The following DYSF variants were observed in gnomAD, a reference collection of about 807,000 sequenced individuals.
DYSF encodes dystrophy-associated fer-1-like 1.
Under a neutral mutation model 274.9 loss-of-function variants are expected in DYSF, and 212 were observed. The ratio of observed to expected loss-of-function variants is 0.77; its 90% CI spans 0.69 to 0.86. The LOEUF (loss-of-function observed/expected upper bound fraction) is 0.86, where lower values mean the gene tolerates loss of function less well. Ranked by LOEUF, DYSF falls within the 40% of genes least tolerant of loss-of-function variation. DYSF has a pLI of 0.00. For missense variants in DYSF, 2,666 were observed against 2,783.2 expected (o/e 0.96, Z 0.95); for synonymous variants, 1,091 against 1,078.7 (o/e 1.01, Z -0.22).
intron 40 of DYSF, 33 bp from the exon 41 acceptor site, chr2:71,620,514 A>G (rs930363938): frequency 1.3e-6 from 2 of 1,551,520 alleles, no homozygotes; most frequent in Non-Finnish European, 1.7e-6. Flanking sequence ...GGGTTCTCTA[A>G]TCCTGTTGCT....
chr2:71,540,936 A>C (rs1474346504), intron 17 of DYSF, among the ~76,000 whole-genome samples: 1 of 152,202 alleles, frequency 6.6e-6, no homozygotes, highest in Non-Finnish European at 1.5e-5. Context: ...GGAATAAGGC[A>C]GGGATCTAGC....
intron 1 of DYSF, among the ~76,000 whole-genome samples, chr2:71,479,615 G>C (rs963932692): frequency 1.6e-4 from 24 of 152,188 alleles, no homozygotes; most frequent in African/African-American, 5.8e-4. Flanking sequence ...GGGTCTCCTT[G>C]TGCGTCTCCT....
At chr2:71,504,629 G>A (rs1330765558) in intron 4 of DYSF, among the ~76,000 whole-genome samples, 1 of 152,186 alleles carries the variant, frequency 6.6e-6, no homozygotes, top group Non-Finnish European at 1.5e-5. Context: ...AGGTATCAAG[G>A]CAGCTGGCGA....
chr2:71,470,296 TAACTC>T (rs146449429), intron 1 of DYSF, among the ~76,000 whole-genome samples: 300 of 152,302 alleles, frequency 2.0e-3, no homozygotes, highest in Non-Finnish European at 3.3e-3. Flanking sequence ...GGAACACTCT[TAACTC>T]ACCTATGTAG....
chr2:71,652,422 T>A (rs571061134), intron 42 of DYSF, among the ~76,000 whole-genome samples: 6 of 152,276 alleles, frequency 3.9e-5, no homozygotes, highest in African/African-American at 1.4e-4. Flanking sequence ...CCCAGTAAGA[T>A]GGCAGCAACT....
chr2:71,683,663 T>C (rs889574631), intron 55 of DYSF, among the ~76,000 whole-genome samples: 2 of 152,242 alleles, frequency 1.3e-5, no homozygotes, highest in Admixed American at 1.3e-4. Flanking sequence ...CAGTATTCCA[T>C]GCACACTCCC....
At chr2:71,576,332 T>A (rs2092697574) in intron 30 of DYSF, 1 of 152,408 alleles carries the variant, frequency 6.6e-6, no homozygotes, top group Non-Finnish European at 1.5e-5. Flanking sequence ...AGAAGAGTGC[T>A]CTGGTCAGAG....
At position 71,513,843 on chromosome 2, in the gene DYSF, C is replaced by T; in HGVS notation, c.681C>T (p.Pro227=). 6.2e-7 allele frequency: 1 copy of T among 1,614,236 alleles called. No individual in the cohort carries two copies. The highest frequency in any genetic ancestry group is 1.1e-5 in the South Asian group (1 of 91,092). ...TPRKLPSRPP[P]HYPGIKRKRS... Reference sequence around the variant, plus strand: ...GGAAACTACCTTCACGTCCTCCGCCCCACTACCCCGGGATCAAAAGAAAGC... The same window carrying T: ...GGAAACTACCTTCACGTCCTCCGCCTCACTACCCCGGGATCAAAAGAAAGC... The change falls in exon 7 of 56, where the codon CCC becomes CCT. Residue 227 remains proline (P), a synonymous_variant. Transcript: ENST00000410020.
chr2:71,480,750 A>T (rs1573397809), intron 1 of DYSF, 133 bp from the exon 2 acceptor site: 1 of 793,226 alleles, frequency 1.3e-6, no homozygotes, highest in African/African-American at 1.7e-5. Flanking sequence ...GCGGGTTCTC[A>T]GGGAATCTGT....
At chr2:71,621,331 G>T (rs1255728433) in intron 41 of DYSF, among the ~76,000 whole-genome samples, 3 of 151,808 alleles carry the variant, frequency 2.0e-5, no homozygotes, top group Non-Finnish European at 4.4e-5. Context: ...TTGTACTGGG[G>T]GTCTCATGAG....
At chr2:71,496,327 G>T (rs558293325) in intron 3 of DYSF, among the ~76,000 whole-genome samples, 63 of 152,254 alleles carry the variant, frequency 4.1e-4, no homozygotes, top group African/African-American at 1.4e-3. Flanking sequence ...AGGCCACGCT[G>T]TGCAGGGCCA....
intron 32 of DYSF, among the ~76,000 whole-genome samples, chr2:71,597,178 G>A (rs1200426141): frequency 2.0e-5 from 3 of 152,184 alleles, no homozygotes; most frequent in Admixed American, 6.5e-5. Context: ...TGAGGCCAGC[G>A]ACACAGAGGC....
rs115849497 is a variant in DYSF, at chr2:71,553,148, G to A, written c.1944G>A (p.Pro648=). 2,676 of 1,614,074 alleles carry A rather than the reference G, an allele frequency of 1.7e-3. 29 individuals are homozygous for A. The African/African-American group carries it at 0.024, about 15-fold the overall frequency. ...ACAAGTTCGACATGACCTGCCTGCC[G>A]CTGGCCTCCACCACTCAGTACAGCC... ...YGNKFDMTCL[P]LASTTQYSRA... The change falls in exon 20 of 56, where the codon CCG becomes CCA. Residue 648 remains proline (P), a synonymous_variant. Transcript: ENST00000410020.
At chr2:71,571,428 GCA>G (rs1290820991) in intron 29 of DYSF, among the ~76,000 whole-genome samples, 2 of 97,744 alleles carry the variant, frequency 2.0e-5, no homozygotes, top group East Asian at 3.8e-4. Flanking sequence ...ATCACAGTCA[GCA>G]CACACAGATC....
At chr2:71,631,938 C>T (rs754649455) in intron 41 of DYSF, among the ~76,000 whole-genome samples, 1 of 152,080 alleles carries the variant, frequency 6.6e-6, no homozygotes, top group South Asian at 2.1e-4. Context: ...TTCCACCATC[C>T]GGCGCTCCTT....
At chr2:71,526,418 T>TGGGGGGGGTGGGGTTG in intron 13 of DYSF, 72 bp downstream of exon 13, 1 of 261,506 alleles carries the variant, frequency 3.8e-6, no homozygotes, top group Admixed American at 4.7e-5. Flanking sequence ...GGGTGGGCGA[T>TGGGGGGGGTGGGGTTG]GGCGGGCGGG....
rs769767650 is a variant in DYSF at position 71,600,886 on chromosome 2, T to C, written c.3897+44T>C. ...CAGATCCAGGAGGCCCAGGCAGGAG[T>C]GGGGTGGGGGCCAACCCTCTGTGGG... is the stretch of plus-strand genomic sequence containing the variant. On this transcript the variant is annotated intron_variant, in intron 34 of 55. Coordinates refer to ENST00000410020, the MANE Select transcript of DYSF (RefSeq NM_001130987.2). The C allele has an allele frequency of 2.5e-6, 4 of 1,601,672 alleles. No individual in the cohort carries two copies. The East Asian group carries it at 8.9e-5, about 36-fold the overall frequency.
At chr2:71,656,654 AG>A (rs1456211395) in intron 43 of DYSF, among the ~76,000 whole-genome samples, 1 of 152,192 alleles carries the variant, frequency 6.6e-6, no homozygotes, top group African/African-American at 2.4e-5. Context: ...ATGGCTGGCA[AG>A]GCCTCAGAAT....
At chr2:71,677,334 CT>C (rs1334828349) in intron 52 of DYSF, among the ~76,000 whole-genome samples, 2 of 152,198 alleles carry the variant, frequency 1.3e-5, no homozygotes, top group Non-Finnish European at 1.5e-5. Flanking sequence ...TTGAGAATTT[CT>C]TTAATTTGGC....
Sources: gnomAD v4.1 joint callset for allele counts (sites outside exome capture counted in the v4.1 genomes callset) on GRCh38, gnomAD v4.1.1 for gene constraint, MANE v1.5 for transcripts, NCBI Gene and HGNC (gene_info 2026-07-23, HGNC 2026-07-21) for gene names.